Variants in ANKRD44 observed in about 807,000 individuals in gnomAD.
ANKRD44 encodes ankyrin repeat domain 44, also known as serine/threonine-protein phosphatase 6 regulatory ankyrin repeat subunit B.
Under a neutral mutation model 116.0 loss-of-function variants are expected in ANKRD44, and 35 were observed. That is an observed-to-expected ratio of 0.30 (90% CI 0.23 to 0.40). ANKRD44 has a LOEUF of 0.40. Ranked by LOEUF, ANKRD44 falls within the 10% of genes least tolerant of loss-of-function variation. ANKRD44 has a pLI of 1.00. For synonymous variants in ANKRD44, 435 were observed against 461.8 expected (o/e 0.94, Z 0.74); for missense variants, 1,014 against 1,242.6 (o/e 0.82, Z 2.77).
chr2:197,249,571 C>A (rs2082272060), intron 1 of ANKRD44, among the ~76,000 whole-genome samples: 1 of 152,200 alleles, frequency 6.6e-6, no homozygotes, highest in Non-Finnish European at 1.5e-5. Flanking sequence ...CAATAAAACA[C>A]ATAATCTCCT....
At chr2:197,044,275 C>T (rs1422306708) in intron 16 of ANKRD44, among the ~76,000 whole-genome samples, 2 of 152,200 alleles carry the variant, frequency 1.3e-5, no homozygotes, top group Admixed American at 6.5e-5. Flanking sequence ...ACATCAGCTC[C>T]TGCAGTTTCC....
At chr2:197,150,094 G>A (rs1181804313) in intron 2 of ANKRD44, among the ~76,000 whole-genome samples, 1 of 151,894 alleles carries the variant, frequency 6.6e-6, no homozygotes, top group East Asian at 1.9e-4. Flanking sequence ...TCCTATCAGA[G>A]GAGTCACACC....
At chr2:197,152,258 A>C (rs1238293965) in intron 2 of ANKRD44, among the ~76,000 whole-genome samples, 1 of 152,234 alleles carries the variant, frequency 6.6e-6, no homozygotes, top group Non-Finnish European at 1.5e-5. Flanking sequence ...GAATAGTTAC[A>C]TAGGCTTTTA....
chr2:197,072,828 TTC>T (rs1292192534), intron 16 of ANKRD44, among the ~76,000 whole-genome samples: 1 of 152,228 alleles, frequency 6.6e-6, no homozygotes, highest in Non-Finnish European at 1.5e-5. Context: ...AATACATTTA[TTC>T]TCTTTTTCCC....
chr2:197,296,827 C>A (rs2083737168), intron 1 of ANKRD44, among the ~76,000 whole-genome samples: 1 of 152,094 alleles, frequency 6.6e-6, no homozygotes, highest in Non-Finnish European at 1.5e-5. Context: ...ATTAAAGTAA[C>A]TTTTTACAAT....
intron 8 of ANKRD44, among the ~76,000 whole-genome samples, chr2:197,111,930 A>G (rs1191880201): frequency 6.6e-6 from 1 of 152,200 alleles, no homozygotes; most frequent in Non-Finnish European, 1.5e-5. Context: ...CTGAATTCAT[A>G]TATTTGTTAC....
Position 196,988,163 on chromosome 2 carries a change from G to C in ANKRD44, c.*1428C>G. On this transcript the variant is annotated 3_prime_UTR_variant, in exon 28 of 28. Coordinates refer to ENST00000282272, the MANE Select transcript of ANKRD44 (RefSeq NM_001195144.2). ...ATGATTCTTGTACTCTCTGCTACAC[G>C]ACAGGAAAAATGTTAACGCTGCTTT... is the stretch of plus-strand genomic sequence containing the variant. 1 of 985,390 alleles carries C rather than the reference G, an allele frequency of 1.0e-6. No homozygotes were observed. The highest frequency in any genetic ancestry group is 1.2e-6 in the Non-Finnish European group (1 of 829,938). The allele number at this position is 985,390 out of a possible 1,614,324, so 61.0% of individuals were successfully genotyped here.
chr2:197,236,457 C>G (rs954531435), intron 1 of ANKRD44, among the ~76,000 whole-genome samples: 1 of 152,086 alleles, frequency 6.6e-6, no homozygotes, highest in Non-Finnish European at 1.5e-5. Context: ...AACATATGCA[C>G]AGTGTATTTC....
rs571064079 is a variant in ANKRD44, at chr2:197,120,188, A to G, written c.906+1144T>C. The stretch of plus-strand genomic sequence containing the variant: ...TTACCTGAGTGCATGCTACCTCCCT[A>G]CTACACTGTAAGTTCCTTAAAGGCA... On this transcript the variant is annotated intron_variant, in intron 8 of 27. Transcript: ENST00000282272. Among the ~76,000 whole-genome samples, 4 of 152,182 alleles carry G rather than the reference A, an allele frequency of 2.6e-5. 1 individual carries two copies. The South Asian group carries it at 8.3e-4, about 32-fold the overall frequency.
intron 2 of ANKRD44, among the ~76,000 whole-genome samples, chr2:197,170,585 T>C (rs1242854923): frequency 6.6e-6 from 1 of 152,252 alleles, no homozygotes; most frequent in Non-Finnish European, 1.5e-5. Flanking sequence ...CATCTTTATC[T>C]TTCTTAGACT....
At chr2:197,200,577 T>C (rs2081070948) in intron 1 of ANKRD44, among the ~76,000 whole-genome samples, 1 of 152,106 alleles carries the variant, frequency 6.6e-6, no homozygotes, top group African/African-American at 2.4e-5. Context: ...AATGCACTAC[T>C]TCCAGACAGC....
intron 2 of ANKRD44, among the ~76,000 whole-genome samples, chr2:197,184,066 G>T (rs1419429864): frequency 1.3e-5 from 2 of 152,168 alleles, no homozygotes; most frequent in African/African-American, 2.4e-5. Context: ...TCTCACTGCT[G>T]TGTCCCTAGC....
chr2:197,025,404 A>G (rs571152279), intron 16 of ANKRD44, 137 bp from the exon 17 acceptor site: 2 of 592,778 alleles, frequency 3.4e-6, no homozygotes, highest in Non-Finnish European at 6.1e-6. Context: ...TAACATATCT[A>G]AAACAAATAT....
chr2:197,260,701 A>G (rs2082578735), intron 1 of ANKRD44, among the ~76,000 whole-genome samples: 1 of 152,028 alleles, frequency 6.6e-6, no homozygotes, highest in Non-Finnish European at 1.5e-5. Flanking sequence ...TCCCACCAAC[A>G]ATGTAAAAGT....
chr2:197,255,965 TAATC>T (rs1173650494), intron 1 of ANKRD44, among the ~76,000 whole-genome samples: 1 of 152,264 alleles, frequency 6.6e-6, no homozygotes, highest in South Asian at 2.1e-4. Context: ...TAAGGAATCT[TAATC>T]TATCTGGTCT....
At chr2:197,207,467 T>C (rs912767561) in intron 1 of ANKRD44, among the ~76,000 whole-genome samples, 1 of 152,218 alleles carries the variant, frequency 6.6e-6, no homozygotes, top group Non-Finnish European at 1.5e-5. Flanking sequence ...ACCTCTCAGA[T>C]GACCCCTCTG....
At chr2:197,249,459 T>G (rs1165537495) in intron 1 of ANKRD44, among the ~76,000 whole-genome samples, 3 of 152,234 alleles carry the variant, frequency 2.0e-5, no homozygotes, top group Non-Finnish European at 4.4e-5. Flanking sequence ...CAACATACTT[T>G]TATTCAAACA....
intron 1 of ANKRD44, among the ~76,000 whole-genome samples, chr2:197,221,701 G>A (rs2081589380): frequency 6.6e-6 from 1 of 152,176 alleles, no homozygotes; most frequent in Admixed American, 6.5e-5. Flanking sequence ...CATCCAGAAG[G>A]TCGTTGGTAA....
intron 6 of ANKRD44, among the ~76,000 whole-genome samples, chr2:197,124,528 A>G (rs1010325084): frequency 1.8e-4 from 28 of 152,226 alleles, no homozygotes; most frequent in African/African-American, 6.5e-4. Flanking sequence ...TTCATTTAAC[A>G]TATCACAGAC....
Sources: allele counts gnomAD v4.1 joint callset (sites outside exome capture counted in the v4.1 genomes callset), GRCh38; gene constraint gnomAD v4.1.1; transcripts MANE v1.5; gene names NCBI Gene and HGNC (gene_info 2026-07-23, HGNC 2026-07-21).